The following TBXT variants were observed in gnomAD, a reference collection of about 807,000 sequenced individuals.
The protein encoded by TBXT is T-box transcription factor T, also known as T brachyury transcription factor.
Under a neutral mutation model 41.1 loss-of-function variants are expected in TBXT, and 19 were observed. The ratio of observed to expected loss-of-function variants is 0.46; its 90% CI spans 0.32 to 0.68. TBXT has a LOEUF of 0.68. TBXT is among the 30% of genes least tolerant of loss of function. TBXT has a pLI of 0.03. For missense variants in TBXT, 536 were observed against 582.0 expected, an observed-to-expected ratio of 0.92 and a Z score of 0.81; for synonymous variants, 213 against 238.9, an observed-to-expected ratio of 0.89 and a Z score of 1.00.
rs1241858451 is a variant in TBXT, at chr6:166,167,421, C to G, written c.171G>C (p.Glu57Asp). ...TGGTCACGATCATCTCATTGGTGAG[C>G]TCCTTGAAGCGCAGCCACAGCTCGC... ...EESELWLRFK[E>D]LTNEMIVTKN... The change falls in exon 1 of 8, where the codon GAG becomes GAC. Residue 57 changes from glutamate to aspartate, a missense_variant. Coordinates refer to ENST00000366876, the MANE Select transcript of TBXT (RefSeq NM_001366285.2). The G allele has an allele frequency of 2.5e-6, 4 of 1,613,106 alleles. No individual in the cohort carries two copies. The South Asian group carries it at 4.4e-5, about 18-fold the overall frequency.
intron 5 of TBXT, among the ~76,000 whole-genome samples, chr6:166,163,282 C>T (rs931741148): frequency 6.6e-6 from 1 of 152,090 alleles, no homozygotes; most frequent in Admixed American, 6.5e-5. Context: ...CCTTTTACTG[C>T]TCACTCTCCT....
At position 166,160,872 on chromosome 6, in the gene TBXT, G is replaced by C. The variant is rs116620192; in HGVS notation, c.1002C>G (p.Pro334=). 6.2e-7 allele frequency: 1 copy of C among 1,614,074 alleles called. No homozygotes were observed. The highest frequency in any genetic ancestry group is 1.1e-5 in the South Asian group (1 of 91,072). The change falls in exon 7 of 8, where the codon CCC becomes CCG. Residue 334 remains proline (P), a synonymous_variant. Coordinates refer to ENST00000366876, the MANE Select transcript of TBXT (RefSeq NM_001366285.2). ...TAGGTGGGCTGGCATTGTGGCTCAC[G>C]GGGAGCATGCTGGGATGGGCAGGCA... ...LGMPAHPSML[P]VSHNASPPTS... is the part of the protein sequence containing the mutation.
At chr6:166,158,719 A>G (rs1344409995) in intron 7 of TBXT, 131 bp from the exon 8 acceptor site, 1 of 1,105,198 alleles carries the variant, frequency 9.0e-7, no homozygotes, top group African/African-American at 1.6e-5. Context: ...CAAACAGGTC[A>G]TTTTCTCCAA....
Position 166,167,525 on chromosome 6 carries a change from C to A in TBXT, c.67G>T (p.Ala23Ser). 1 of 1,603,166 alleles carries A rather than the reference C, an allele frequency of 6.2e-7. No individual in the cohort carries two copies. The highest frequency in any genetic ancestry group is 8.5e-7 in the Non-Finnish European group (1 of 1,178,474). The change falls in exon 1 of 8, where the codon GCC becomes TCC. Residue 23 changes from alanine (A) to serine (S), a missense_variant. Coordinates refer to ENST00000366876, the MANE Select transcript of TBXT (RefSeq NM_001366285.2). The stretch of plus-strand genomic sequence containing the variant: ...CCCGCCTGCAGCTCATTCTCCACGG[C>A]GCTCAGCAGGTGGTCCACTCGGTAC... Reference protein sequence around the residue: ...LQYRVDHLLSAVENELQAGSE... With the variant: ...LQYRVDHLLSSVENELQAGSE...
chr6:166,160,123 T>C (rs1484375737), intron 7 of TBXT, among the ~76,000 whole-genome samples: 1 of 152,220 alleles, frequency 6.6e-6, no homozygotes, highest in African/African-American at 2.4e-5. Flanking sequence ...CTGGCCCTCC[T>C]TCCTCCCTAG....
Position 166,164,680 on chromosome 6 carries a change from A to G in TBXT, c.669-14T>C. 2 of 1,613,310 alleles carry G rather than the reference A, an allele frequency of 1.2e-6. No homozygotes were observed. Among genetic ancestry groups the G allele is most frequent in the Non-Finnish European group, 1.7e-6 (2 of 1,179,448 alleles). On this transcript the variant is annotated splice_polypyrimidine_tract_variant and intron_variant, in intron 4 of 7. Coordinates refer to ENST00000366876, the MANE Select transcript of TBXT (RefSeq NM_001366285.2). Reference sequence around the variant, plus strand: ...TTGTGATCACTTCTATCAAAATGAAAAAAAAAAAGTATATCGAATTTTCAA... The same window carrying G: ...TTGTGATCACTTCTATCAAAATGAAGAAAAAAAAGTATATCGAATTTTCAA...
Position 166,157,859 on chromosome 6 carries a change from T to G in TBXT, c.*456A>C, listed in dbSNP as rs1778826272. 1 of 205,342 alleles carries G rather than the reference T, an allele frequency of 4.9e-6. No homozygotes were observed. The highest frequency in any genetic ancestry group is 5.3e-5 in the Admixed American group (1 of 18,868). 12.7% of individuals were successfully genotyped at this position (205,342 alleles called of 1,614,324 possible). On this transcript the variant is annotated 3_prime_UTR_variant, in exon 8 of 8. Coordinates refer to ENST00000366876, the MANE Select transcript of TBXT (RefSeq NM_001366285.2). ...GCTGTCCTCAACTATGATTTTATTC[T>G]GTCCTTAACAGCTCAACTCTAACTA...
rs565758718 is a variant in TBXT at position 166,158,081 on chromosome 6, G to A, written c.*234C>T. Reference sequence around the variant, plus strand: ...GCCAACTGCATCATCTCCACAGTTGGGTTCATCTGTAAGCCACCTGGGACA... The same window carrying A: ...GCCAACTGCATCATCTCCACAGTTGAGTTCATCTGTAAGCCACCTGGGACA... On this transcript the variant is annotated 3_prime_UTR_variant, in exon 8 of 8. Coordinates refer to ENST00000366876, the MANE Select transcript of TBXT (RefSeq NM_001366285.2). 3.7e-4 allele frequency: 238 copies of A among 644,118 alleles called. No individual in the cohort carries two copies. The highest frequency in any genetic ancestry group is 5.4e-4 in the Non-Finnish European group (200 of 371,550). The allele number at this position is 644,118 out of a possible 1,614,324, so 39.9% of individuals were successfully genotyped here. A position where few individuals can be genotyped will look rare whatever the true frequency, so the allele number is the denominator to read the frequency against.
At chr6:166,159,798 C>T (rs750594541) in intron 7 of TBXT, among the ~76,000 whole-genome samples, 44 of 152,176 alleles carry the variant, frequency 2.9e-4, no homozygotes, top group Non-Finnish European at 5.6e-4. Context: ...TTCTAAGATG[C>T]CCAATTAGAG....
chr6:166,167,592 C>A lies in TBXT; in HGVS notation c.-1G>T, dbSNP rs1200543837. On this transcript the variant is annotated 5_prime_UTR_variant, in exon 1 of 8. Transcript: ENST00000366876. ...CGCTCTCGGTGCCAGGGGAGCTCAT[C>A]CTCCCGTCCGGCTCCCCTCCCCGCC... 1 of 1,552,764 alleles carries A rather than the reference C, an allele frequency of 6.4e-7. No individual in the cohort carries two copies. Among genetic ancestry groups the A allele is most frequent in the Non-Finnish European group, 8.7e-7 (1 of 1,154,814 alleles).
At position 166,167,812 on chromosome 6, in the gene TBXT, T is replaced by G; in HGVS notation, c.-221A>C. On this transcript the variant is annotated 5_prime_UTR_variant, in exon 1 of 8. Coordinates refer to ENST00000366876, the MANE Select transcript of TBXT (RefSeq NM_001366285.2). ...GGGCAGAGGGGTGGGGAGAAGTTAT[T>G]CCACTTGAACTCCCCAAGGCTCTAC... 4 of 614,484 alleles carry G rather than the reference T, an allele frequency of 6.5e-6. No homozygotes were observed. In the South Asian group the frequency reaches 7.8e-5, roughly 12 times the overall value. 38.1% of individuals were successfully genotyped at this position (614,484 alleles called of 1,614,324 possible). A position where few individuals can be genotyped will look rare whatever the true frequency, so the allele number is the denominator to read the frequency against.
At chr6:166,167,313 GA>G in intron 1 of TBXT, 72 bp downstream of exon 1, 1 of 1,572,196 alleles carries the variant, frequency 6.4e-7, no homozygotes. Flanking sequence ...CGACCTCCGG[GA>G]ACTTGCCAGG....
chr6:166,167,580 A>G lies in TBXT; in HGVS notation c.12T>C (p.Pro4=). The G allele has an allele frequency of 1.3e-6, 2 of 1,562,350 alleles. No individual in the cohort carries two copies. The highest frequency in any genetic ancestry group is 1.2e-5 in the South Asian group (1 of 86,276). The change falls in exon 1 of 8, where the codon CCT becomes CCC. Residue 4 remains proline, a synonymous_variant. Coordinates refer to ENST00000366876, the MANE Select transcript of TBXT (RefSeq NM_001366285.2). ...GGCTCTTTCCCGCGCTCTCGGTGCCAGGGGAGCTCATCCTCCCGTCCGGCT... is the reference window on the plus strand; with the variant it reads ...GGCTCTTTCCCGCGCTCTCGGTGCCGGGGGAGCTCATCCTCCCGTCCGGCT... MSS[P]GTESAGKSLQ... is the part of the protein sequence containing the mutation.
chr6:166,166,974 T>G, intron 1 of TBXT, 118 bp from the exon 2 acceptor site: 6 of 1,544,574 alleles, frequency 3.9e-6, no homozygotes, highest in Middle Eastern at 3.6e-4. Context: ...CTGGGGAACG[T>G]CCGAGGGTGA....
intron 2 of TBXT, among the ~76,000 whole-genome samples, chr6:166,166,390 C>T (rs1779113098): frequency 6.6e-6 from 1 of 152,222 alleles, no homozygotes; most frequent in African/African-American, 2.4e-5. Context: ...GGGAGTGCTC[C>T]CGCTCCCCGT....
chr6:166,161,816 G>A (rs1778964143), intron 6 of TBXT, among the ~76,000 whole-genome samples: 1 of 152,250 alleles, frequency 6.6e-6, no homozygotes, highest in African/African-American at 2.4e-5. Flanking sequence ...CCAGCTCCTT[G>A]GGAGGCTGAG....
intron 5 of TBXT, among the ~76,000 whole-genome samples, chr6:166,162,993 C>A (rs548573848): frequency 3.0e-4 from 45 of 152,262 alleles, no homozygotes; most frequent in Admixed American, 2.0e-3. Flanking sequence ...CACAGGTAAC[C>A]CAAGGCTTCC....
intron 7 of TBXT, 49 bp downstream of exon 7, chr6:166,160,788 C>G: frequency 1.2e-6 from 2 of 1,611,832 alleles, no homozygotes; most frequent in Non-Finnish European, 1.7e-6. Flanking sequence ...CGTGAAGTCA[C>G]AGGCAGAGCT....
upstream of TBXT, chr6:166,167,963 C>A (rs1779187861): frequency 2.9e-6 from 1 of 344,698 alleles, no homozygotes; most frequent in African/African-American, 2.1e-5. Context: ...TCCCATTGGC[C>A]GAGAGCGGCC....
Sources: gnomAD v4.1 joint callset for allele counts (sites outside exome capture counted in the v4.1 genomes callset) on GRCh38, gnomAD v4.1.1 for gene constraint, MANE v1.5 for transcripts, NCBI Gene and HGNC (gene_info 2026-07-23, HGNC 2026-07-21) for gene names.